Variants in VIPR2 observed in about 807,000 individuals in gnomAD.
VIPR2 encodes the protein vasoactive intestinal peptide receptor 2, also known as vasoactive intestinal polypeptide receptor 2.
A neutral mutation model predicts 58.0 loss-of-function variants in VIPR2; 48 were observed. That is an observed-to-expected ratio of 0.83 (90% CI 0.66 to 1.05). The LOEUF is 1.05. VIPR2 is among the 50% of genes least tolerant of loss of function. The probability of loss-of-function intolerance (pLI) is 0.00; values close to 1 mark genes in which losing one functional copy is unlikely to be tolerated. For synonymous variants in VIPR2, 243 were observed against 235.2 expected (o/e 1.03, Z -0.30); for missense variants, 534 against 558.0 (o/e 0.96, Z 0.43).
rs960375611 is a variant in VIPR2 at position 159,097,125 on chromosome 7, G to C, written c.357+6632C>G. The stretch of plus-strand genomic sequence containing the variant: ...GGAGGGTTGGCGGGATGATCAGATG[G>C]TGCCTCCCACAAAGGCATCTGCAGT... On this transcript the variant is annotated intron_variant, in intron 4 of 12. Transcript: ENST00000262178. This position sits in a 1 kb window ranked among gnomAD's most constrained non-coding sequence, Gnocchi z 5.3. 7.4e-6 allele frequency: 11 copies of C among 1,480,200 alleles called. No homozygotes were observed. Among genetic ancestry groups the C allele is most frequent in the African/African-American group, 1.4e-5 (1 of 71,322 alleles). 91.7% of individuals were successfully genotyped at this position (1,480,200 alleles called of 1,614,324 possible). A position where few individuals can be genotyped will look rare whatever the true frequency, so the allele number is the denominator to read the frequency against.
intron 4 of VIPR2, among the ~76,000 whole-genome samples, chr7:159,078,957 C>G (rs1043588329): frequency 6.6e-6 from 1 of 152,160 alleles, no homozygotes; most frequent in African/African-American, 2.4e-5. Context: ...CCAGTGCCCA[C>G]TGACTCAGCA....
intron 4 of VIPR2, among the ~76,000 whole-genome samples, chr7:159,061,836 A>G (rs1239743741): frequency 6.6e-6 from 1 of 151,988 alleles, no homozygotes; most frequent in Non-Finnish European, 1.5e-5. Context: ...GAGTACCGGG[A>G]TCAAGCTCGG....
At chr7:159,113,292 C>A (rs1043175146) in intron 2 of VIPR2, among the ~76,000 whole-genome samples, 3 of 150,502 alleles carry the variant, frequency 2.0e-5, no homozygotes, top group Admixed American at 6.6e-5. Context: ...ACTTCCCGGT[C>A]TGTTCTGTTT....
intron 5 of VIPR2, among the ~76,000 whole-genome samples, chr7:159,044,245 G>T (rs188110982): frequency 6.6e-6 from 1 of 152,180 alleles, no homozygotes; most frequent in Admixed American, 6.5e-5. Context: ...TGAGCTAAAA[G>T]TATAGAGTCT....
chr7:159,042,906 C>T, intron 6 of VIPR2, 129 bp downstream of exon 6: 8 of 1,280,862 alleles, frequency 6.2e-6, no homozygotes, highest in Non-Finnish European at 8.3e-6. Context: ...GCCAGGCTCT[C>T]TGTTTCTCAG....
At chr7:159,079,694 G>T (rs1168370437) in intron 4 of VIPR2, among the ~76,000 whole-genome samples, 1 of 150,728 alleles carries the variant, frequency 6.6e-6, no homozygotes, top group African/African-American at 2.5e-5. Flanking sequence ...TTTTTGAAAA[G>T]ATCAACAAAA....
In VIPR2 at chr7:159,094,806, A is replaced by T. The variant is rs529579215; in HGVS notation, c.357+8951T>A. ...TAGAGGGAGAACTTATTTTCTTTTA[A>T]AATCCAAACATGACATTTCTGAAGT... On this transcript the variant is annotated intron_variant, in intron 4 of 12. Coordinates refer to ENST00000262178, the MANE Select transcript of VIPR2 (RefSeq NM_003382.5). 5.2e-4 allele frequency among the ~76,000 whole-genome samples: 79 copies of T among 152,302 alleles called. 1 individual carries two copies. The highest frequency in any genetic ancestry group is 8.2e-4 in the Non-Finnish European group (56 of 68,028).
At chr7:159,064,714 G>A (rs1407915672) in intron 4 of VIPR2, among the ~76,000 whole-genome samples, 1 of 152,156 alleles carries the variant, frequency 6.6e-6, no homozygotes, top group Non-Finnish European at 1.5e-5. Context: ...GTCCTGAGGC[G>A]CATCCAGGGC....
intron 2 of VIPR2, among the ~76,000 whole-genome samples, chr7:159,130,587 C>G (rs1796866055): frequency 6.6e-6 from 1 of 151,984 alleles, no homozygotes; most frequent in Non-Finnish European, 1.5e-5. Context: ...CCCAGCCAAT[C>G]AGCAGCAAGC....
intron 3 of VIPR2, 26 bp downstream of exon 3, chr7:159,109,786 T>C: frequency 1.2e-6 from 2 of 1,605,456 alleles, no homozygotes; most frequent in Non-Finnish European, 1.7e-6. Context: ...CTGGAGGAGC[T>C]CAGGAACTCA....
chr7:159,078,064 C>T (rs1200121952), intron 4 of VIPR2, among the ~76,000 whole-genome samples: 1 of 152,192 alleles, frequency 6.6e-6, no homozygotes, highest in East Asian at 1.9e-4. Context: ...GCATGGACAA[C>T]ATTCATGCCT....
intron 2 of VIPR2, among the ~76,000 whole-genome samples, chr7:159,123,323 A>T (rs1053196916): frequency 6.6e-6 from 1 of 151,504 alleles, no homozygotes. Context: ...AAAGAAAGAA[A>T]AAAAAACCTC....
In VIPR2 at chr7:159,078,734, G is replaced by A. The variant is rs115736971; in HGVS notation, c.358-20156C>T. On this transcript the variant is annotated intron_variant, in intron 4 of 12. Coordinates refer to ENST00000262178, the MANE Select transcript of VIPR2 (RefSeq NM_003382.5). ...GAGGAGGAGCACGTTGTTGCATCGCGTTGTGCCTACATAAGTAACTCGGGA... is the reference window on the plus strand; with the variant it reads ...GAGGAGGAGCACGTTGTTGCATCGCATTGTGCCTACATAAGTAACTCGGGA... 4.3e-3 allele frequency among the ~76,000 whole-genome samples: 654 copies of A among 152,286 alleles called. 1 individual carries two copies. The highest frequency in any genetic ancestry group is 0.015 in the African/African-American group (630 of 41,542).
At chr7:159,066,010 C>T (rs77543720) in intron 4 of VIPR2, among the ~76,000 whole-genome samples, 1 of 152,238 alleles carries the variant, frequency 6.6e-6, no homozygotes, top group Non-Finnish European at 1.5e-5. Context: ...GTAGGTTTTC[C>T]TTTAGGGGCC....
chr7:159,133,925 T>G (rs2129497775), intron 2 of VIPR2, among the ~76,000 whole-genome samples: 1 of 152,346 alleles, frequency 6.6e-6, no homozygotes, highest in African/African-American at 2.4e-5. Context: ...AATAAGCTCA[T>G]TATTCCTGTT....
intron 2 of VIPR2, among the ~76,000 whole-genome samples, chr7:159,132,924 C>CAGAATGATTGGCATACAGATTGATTTT (rs1797019787): frequency 3.1e-4 from 8 of 25,842 alleles, no homozygotes; most frequent in African/African-American, 9.3e-4. Flanking sequence ...AGATTGATTT[C>CAGAATGATTGGCATACAGATTGATTTT]AGACAGAATG....
At chr7:159,035,869 T>TA in intron 8 of VIPR2, 83 bp downstream of exon 8, 1 of 1,547,848 alleles carries the variant, frequency 6.5e-7, no homozygotes, top group African/African-American at 1.4e-5. Context: ...TCCAACCAGG[T>TA]AACCTTCTGG....
chr7:159,106,432 G>A (rs951262447), intron 3 of VIPR2, among the ~76,000 whole-genome samples: 15 of 150,826 alleles, frequency 9.9e-5, no homozygotes, highest in Non-Finnish European at 2.1e-4. Flanking sequence ...AGAGAGGCCA[G>A]GGAGGGGCAG....
chr7:159,086,495 A>C (rs1428405861), intron 4 of VIPR2, among the ~76,000 whole-genome samples: 1 of 152,222 alleles, frequency 6.6e-6, no homozygotes, highest in East Asian at 1.9e-4. Context: ...GACCTGCCAC[A>C]TGGGTTTGCC....
Sources: allele counts gnomAD v4.1 joint callset (sites outside exome capture counted in the v4.1 genomes callset), GRCh38; gene constraint gnomAD v4.1.1; non-coding constraint Gnocchi (gnomAD v3.1); transcripts MANE v1.5; gene names NCBI Gene and HGNC (gene_info 2026-07-23, HGNC 2026-07-21).